ZNF142: variants seen among roughly 807,000 people sequenced by gnomAD.
ZNF142 encodes the protein zinc finger protein 142, also known as zinc finger protein 142 (clone pHZ-49).
In ZNF142, 96 loss-of-function variants were observed where a neutral mutation model predicts 132.1. The ratio of observed to expected loss-of-function variants is 0.73; its 90% CI spans 0.62 to 0.86. The LOEUF is 0.86. ZNF142 is among the 40% of genes least tolerant of loss of function. The probability of loss-of-function intolerance (pLI) is 0.00; values close to 1 mark genes in which losing one functional copy is unlikely to be tolerated. For missense variants in ZNF142, 2,163 were observed against 2,336.2 expected (o/e 0.93, Z 1.53); for synonymous variants, 842 against 890.1 (o/e 0.95, Z 0.96).
In ZNF142 at chr2:218,634,614, A is replaced by G. The variant is rs767387550; in HGVS notation, c.*3725T>C. ...AAGCCCATCAGCCCTTTCAAAGCCC[A>G]GACTCTCTTAATCCAGGTACAGTGG... is the stretch of plus-strand genomic sequence containing the variant. On this transcript the variant is annotated 3_prime_UTR_variant, in exon 11 of 11. Transcript: ENST00000411696. The surrounding 1 kb of genome is among the most constrained non-coding windows in gnomAD (Gnocchi z 4.0). The G allele has an allele frequency of 6.2e-7, 1 of 1,613,936 alleles. No homozygotes were observed. Among genetic ancestry groups the G allele is most frequent in the East Asian group, 2.2e-5 (1 of 44,888 alleles).
rs193133764 is a variant in ZNF142 at position 218,638,060 on chromosome 2, T to G, written c.*279A>C. On this transcript the variant is annotated 3_prime_UTR_variant, in exon 11 of 11. Coordinates refer to ENST00000411696, the MANE Select transcript of ZNF142 (RefSeq NM_001379659.1). Reference sequence around the variant, plus strand: ...TGGAGTGGGTAAAATCCAGATCTTATAGCCAGGGACTTTGATGGAGTGATG... The same window carrying G: ...TGGAGTGGGTAAAATCCAGATCTTAGAGCCAGGGACTTTGATGGAGTGATG... The G allele has an allele frequency of 4.3e-5, 14 of 324,786 alleles. No homozygotes were observed. 20.1% of individuals were successfully genotyped at this position (324,786 alleles called of 1,614,324 possible).
rs775043834 is a variant in ZNF142 at position 218,642,945 on chromosome 2, G to A, written c.4171C>T (p.Arg1391Trp). 86 of 1,613,526 alleles carry A rather than the reference G, an allele frequency of 5.3e-5. No homozygotes were observed. The highest frequency in any genetic ancestry group is 1.6e-4 in the Middle Eastern group (1 of 6,084). The part of the protein sequence containing the change: ...KQSRCMQQHR[R>W]LKHEGVKPHQ... Reference sequence around the variant, plus strand: ...GGCTTCACCCCCTCGTGCTTGAGCCGCCGGTGCTGCTGCATGCAACGGCTC... The same window carrying A: ...GGCTTCACCCCCTCGTGCTTGAGCCACCGGTGCTGCTGCATGCAACGGCTC... The change falls in exon 9 of 11, where the codon CGG becomes TGG. Residue 1391 changes from arginine to tryptophan, a missense_variant. Physicochemically the swap from Arg to Trp is moderately radical, Grantham distance 101 (BLOSUM62 -3). Coordinates refer to ENST00000411696, the MANE Select transcript of ZNF142 (RefSeq NM_001379659.1). The surrounding 1 kb of genome is among the most constrained non-coding windows in gnomAD (Gnocchi z 4.6).
intron 5 of ZNF142, 118 bp downstream of exon 5, chr2:218,651,583 A>G: frequency 1.8e-6 from 2 of 1,119,180 alleles, no homozygotes; most frequent in Non-Finnish European, 1.1e-6. Context: ...CTCCTGAGCC[A>G]CTGTCTAGAT....
Position 218,642,926 on chromosome 2 carries a change from A to T in ZNF142, c.4190T>A (p.Val1397Glu). 6.2e-7 allele frequency: 1 copy of T among 1,613,160 alleles called. No homozygotes were observed. Among genetic ancestry groups the T allele is most frequent in the South Asian group, 1.1e-5 (1 of 91,070 alleles). Residue 1397 changes from valine to glutamate, a missense_variant, in exon 9 of 11, where the codon GTG becomes GAG. Val to Glu is a moderately radical substitution (Grantham distance 121). Coordinates refer to ENST00000411696, the MANE Select transcript of ZNF142 (RefSeq NM_001379659.1). This position sits in a 1 kb window ranked among gnomAD's most constrained non-coding sequence, Gnocchi z 4.6. ...ACAGAAGGGGCACTGATGGGGCTTC[A>T]CCCCCTCGTGCTTGAGCCGCCGGTG... ...QQHRRLKHEG[V>E]KPHQCPFCDF...
intron 5 of ZNF142, 54 bp downstream of exon 5, chr2:218,651,647 G>A: frequency 8.2e-7 from 1 of 1,220,514 alleles, no homozygotes. Flanking sequence ...TCTCCTATAA[G>A]ATCAACTGTG....
Position 218,638,104 on chromosome 2 carries a change from T to C in ZNF142, c.*235A>G. On this transcript the variant is annotated 3_prime_UTR_variant, in exon 11 of 11. Coordinates refer to ENST00000411696, the MANE Select transcript of ZNF142 (RefSeq NM_001379659.1). ...AGTGATGGTGAAGAAACTGAGAACTTGCAGGTTAAAAACGCAATGTACAGC... is the reference window on the plus strand; with the variant it reads ...AGTGATGGTGAAGAAACTGAGAACTCGCAGGTTAAAAACGCAATGTACAGC... The C allele has an allele frequency of 2.6e-6, 1 of 379,258 alleles. No individual in the cohort carries two copies. The highest frequency in any genetic ancestry group is 4.6e-6 in the Non-Finnish European group (1 of 215,886). 23.5% of individuals were successfully genotyped at this position (379,258 alleles called of 1,614,324 possible).
chr2:218,650,695 G>A (rs202018009), intron 5 of ZNF142, among the ~76,000 whole-genome samples, 169 bp from the exon 6 acceptor site: 8 of 152,228 alleles, frequency 5.3e-5, no homozygotes, highest in East Asian at 3.8e-4. Context: ...ATAGGAGGAC[G>A]AAGAGCTAAG....
chr2:218,638,821 G>A lies in ZNF142; in HGVS notation c.5195-13C>T. 1 of 1,571,586 alleles carries A rather than the reference G, an allele frequency of 6.4e-7. No homozygotes were observed. Among genetic ancestry groups the A allele is most frequent in the African/African-American group, 1.3e-5 (1 of 74,454 alleles). The stretch of plus-strand genomic sequence containing the variant: ...TATGGCTTCAGTCCTACAGGACAGG[G>A]AACAAATCACCATTGAAAGGCGGTG... On this transcript the variant is annotated splice_polypyrimidine_tract_variant and intron_variant, in intron 10 of 10. Transcript: ENST00000411696.
At position 218,633,383 on chromosome 2, in the gene ZNF142, C is replaced by A. The variant is rs1266112393; in HGVS notation, c.*4956G>T. On this transcript the variant is annotated 3_prime_UTR_variant, in exon 11 of 11. Coordinates refer to ENST00000411696, the MANE Select transcript of ZNF142 (RefSeq NM_001379659.1). ...CCGCCTTTATTCCCATTCCCACCCC[C>A]AGGTTGTGACGTGCCCGCTGTTTTG... is the stretch of plus-strand genomic sequence containing the variant. The A allele has an allele frequency of 7.1e-6, 5 of 706,820 alleles. No individual in the cohort carries two copies. The highest frequency in any genetic ancestry group is 5.9e-5 in the South Asian group (4 of 67,654). 43.8% of individuals were successfully genotyped at this position (706,820 alleles called of 1,614,324 possible).
At position 218,642,993 on chromosome 2, in the gene ZNF142, C is replaced by T. The variant is rs781779622; in HGVS notation, c.4123G>A (p.Asp1375Asn). ...RGPRPHLQCG[D>N]CGFTCKQSRC... ...CTCTGTTTACAGGTGAAGCCACAGT[C>T]CCCACACTGTAGATGGGGCCGGGGC... The change falls in exon 9 of 11, where the codon GAC becomes AAC. Residue 1375 changes from aspartate to asparagine, a missense_variant. Physicochemically the swap from Asp to Asn is conservative, Grantham distance 23. Transcript: ENST00000411696. The surrounding 1 kb of genome is among the most constrained non-coding windows in gnomAD (Gnocchi z 4.6). The T allele has an allele frequency of 1.2e-6, 2 of 1,612,176 alleles. No individual in the cohort carries two copies. The highest frequency in any genetic ancestry group is 1.1e-5 in the South Asian group (1 of 90,992).
intron 4 of ZNF142, among the ~76,000 whole-genome samples, chr2:218,655,510 A>C (rs1938400346): frequency 6.6e-6 from 1 of 152,104 alleles, no homozygotes; most frequent in Admixed American, 6.6e-5. Context: ...TGGGGGTCTC[A>C]CTATATTGCC....
Position 218,638,666 on chromosome 2 carries a change from C to T in ZNF142, c.5337G>A (p.Leu1779=), listed in dbSNP as rs758861181. 2 of 1,614,218 alleles carry T rather than the reference C, an allele frequency of 1.2e-6. No individual in the cohort carries two copies. Among genetic ancestry groups the T allele is most frequent in the Non-Finnish European group, 8.5e-7 (1 of 1,180,042 alleles). The part of the protein sequence containing the change: ...QCGKAFKTRF[L]LRTHLRKHSE... ...TGTGCTTGCGAAGGTGGGTGCGCAGCAGGAAGCGCGTCTTGAAGGCCTTGC... is the reference window on the plus strand; with the variant it reads ...TGTGCTTGCGAAGGTGGGTGCGCAGTAGGAAGCGCGTCTTGAAGGCCTTGC... Residue 1779 remains leucine (L), a synonymous_variant, in exon 11 of 11, where the codon CTG becomes CTA. Transcript: ENST00000411696.
chr2:218,638,049 T>TCTTATAG lies in ZNF142; in HGVS notation c.*289_*290insCTATAAG, dbSNP rs1696854957. 6.5e-6 allele frequency: 2 copies of TCTTATAG among 309,472 alleles called. No individual in the cohort carries two copies. The highest frequency in any genetic ancestry group is 1.0e-4 in the Admixed American group (2 of 20,008). 19.2% of individuals were successfully genotyped at this position (309,472 alleles called of 1,614,324 possible). A position where few individuals can be genotyped will look rare whatever the true frequency, so the allele number is the denominator to read the frequency against. On this transcript the variant is annotated 3_prime_UTR_variant, in exon 11 of 11. Coordinates refer to ENST00000411696, the MANE Select transcript of ZNF142 (RefSeq NM_001379659.1). ...GAAAGAGAAGATGGAGTGGGTAAAA[T>TCTTATAG]CCAGATCTTATAGCCAGGGACTTTG...
chr2:218,638,568 G>C lies in ZNF142; in HGVS notation c.5435C>G (p.Ala1812Gly), dbSNP rs759539156. Residue 1812 changes from alanine to glycine, a missense_variant, in exon 11 of 11, where the codon GCC becomes GGC. Physicochemically the swap from Ala to Gly is moderately conservative, Grantham distance 60. Around this residue, in one of 7 missense-constraint regions of ZNF142, gnomAD observed 325 missense variants for 367.8 expected, o/e 0.88. Coordinates refer to ENST00000411696, the MANE Select transcript of ZNF142 (RefSeq NM_001379659.1). Reference sequence around the variant, plus strand: ...GGGGTGGCGGTCGGTGTGGGTGAGGGCATGATGGCGCAGGCCAGCAGCCCA... The same window carrying C: ...GGGGTGGCGGTCGGTGTGGGTGAGGCCATGATGGCGCAGGCCAGCAGCCCA... ...FRWAAGLRHH[A>G]LTHTDRHPFF... 1 of 1,612,154 alleles carries C rather than the reference G, an allele frequency of 6.2e-7. No individual in the cohort carries two copies. Among genetic ancestry groups the C allele is most frequent in the Admixed American group, 1.7e-5 (1 of 59,946 alleles).
intron 3 of ZNF142, among the ~76,000 whole-genome samples, 152 bp from the exon 4 acceptor site, chr2:218,656,615 T>G (rs545500318): frequency 2.0e-5 from 3 of 152,318 alleles, no homozygotes; most frequent in Admixed American, 1.3e-4. Flanking sequence ...ATAGAGGCTT[T>G]CTTTTATGAT....
At chr2:218,640,258 CAGG>C (rs551676273) in intron 10 of ZNF142, among the ~76,000 whole-genome samples, 76 of 152,034 alleles carry the variant, frequency 5.0e-4, no homozygotes, top group Non-Finnish European at 1.0e-3. Context: ...CATCCACACC[CAGG>C]AGAAGAAAAG....
At position 218,634,008 on chromosome 2, in the gene ZNF142, T is replaced by A. The variant is rs551813619; in HGVS notation, c.*4331A>T. ...GAAACTTTCTGGAGCCAGCTTCAGA[T>A]GCTGGAGAGAAGGGTGAAGAGTAGG... is the stretch of plus-strand genomic sequence containing the variant. On this transcript the variant is annotated 3_prime_UTR_variant, in exon 11 of 11. Transcript: ENST00000411696. This position sits in a 1 kb window ranked among gnomAD's most constrained non-coding sequence, Gnocchi z 4.0. 2.0e-5 allele frequency: 30 copies of A among 1,471,362 alleles called. No individual in the cohort carries two copies. Among genetic ancestry groups the A allele is most frequent in the Non-Finnish European group, 2.7e-5 (29 of 1,087,870 alleles). 91.1% of individuals were successfully genotyped at this position (1,471,362 alleles called of 1,614,324 possible).
At chr2:218,651,631 A>T in intron 5 of ZNF142, 70 bp downstream of exon 5, 3 of 1,201,652 alleles carry the variant, frequency 2.5e-6, no homozygotes, top group Non-Finnish European at 3.2e-6. Flanking sequence ...CTTGGAAACA[A>T]CTGCCTCTCC....
rs773651327 is a variant in ZNF142, at chr2:218,642,778, G to T, written c.4338C>A (p.His1446Gln). ...GTGTTTTGTCATGTACCCTTAACCG[G>T]TGCAAGCGCAGTTTCGAGTTGGTAC... ...TFGTNSKLRLHRLRVHDKTPT... is the reference protein window; with the variant it reads ...TFGTNSKLRLQRLRVHDKTPT... Residue 1446 changes from histidine (H) to glutamine (Q), a missense_variant, in exon 9 of 11, where the codon CAC becomes CAA. Transcript: ENST00000411696. The surrounding 1 kb of genome is among the most constrained non-coding windows in gnomAD (Gnocchi z 4.6). 2 of 1,614,226 alleles carry T rather than the reference G, an allele frequency of 1.2e-6. No individual in the cohort carries two copies. The highest frequency in any genetic ancestry group is 1.7e-6 in the Non-Finnish European group (2 of 1,180,050).
Sources: gnomAD v4.1 joint callset for allele counts (sites outside exome capture counted in the v4.1 genomes callset) on GRCh38, gnomAD v4.1.1 for gene constraint, gnomAD v4.1.1 regional missense constraint, Gnocchi (gnomAD v3.1) non-coding constraint, MANE v1.5 for transcripts, NCBI Gene and HGNC (gene_info 2026-07-23, HGNC 2026-07-21) for gene names.